RBFOX1: variants seen among roughly 807,000 people sequenced by gnomAD.
RBFOX1 encodes RNA binding fox-1 homolog 1.
Under a neutral mutation model 57.7 loss-of-function variants are expected in RBFOX1, and 8 were observed. The observed-to-expected ratio is 0.14, with a 90% CI of 0.08 to 0.25. The LOEUF (loss-of-function observed/expected upper bound fraction) is 0.25, where lower values mean the gene tolerates loss of function less well. Among genes scored for constraint, RBFOX1 ranks in the 10% least tolerant of loss-of-function variants. RBFOX1 has a pLI of 1.00. For missense variants in RBFOX1, 611 were observed against 548.5 expected (o/e 1.11, Z -1.14); for synonymous variants, 326 against 222.4 (o/e 1.47, Z -4.15).
intron 2 of RBFOX1, among the ~76,000 whole-genome samples, chr16:6,639,293 A>C (rs1362012022): frequency 6.6e-6 from 1 of 152,192 alleles, no homozygotes; most frequent in Non-Finnish European, 1.5e-5. Flanking sequence ...AGAGGAAGTG[A>C]AATATTCAAT....
chr16:5,969,708 T>C (rs1406883186), intron 4 of RBFOX1, among the ~76,000 whole-genome samples: 1 of 152,082 alleles, frequency 6.6e-6, no homozygotes, highest in Non-Finnish European at 1.5e-5. Flanking sequence ...TTTGTTGTTT[T>C]TGCTTCTTTT....
chr16:5,464,786 C>T (rs1317286693), intron 1 of RBFOX1, among the ~76,000 whole-genome samples: 1 of 152,066 alleles, frequency 6.6e-6, no homozygotes, highest in Non-Finnish European at 1.5e-5. Context: ...AGAAAGGAGG[C>T]AATAGAGAAG....
chr16:5,465,932 G>C (rs529329003), intron 1 of RBFOX1, among the ~76,000 whole-genome samples: 4 of 152,160 alleles, frequency 2.6e-5, no homozygotes, highest in Non-Finnish European at 5.9e-5. Context: ...ACGGTGCTGC[G>C]GTGGGTAAGC....
chr16:7,279,935 A>G (rs2095508668), intron 4 of RBFOX1, among the ~76,000 whole-genome samples: 1 of 152,190 alleles, frequency 6.6e-6, no homozygotes, highest in Non-Finnish European at 1.5e-5. Flanking sequence ...TTGAGAAACC[A>G]GTGGGCCTGG....
At chr16:7,354,102 T>G (rs548818968) in intron 4 of RBFOX1, among the ~76,000 whole-genome samples, 1 of 152,076 alleles carries the variant, frequency 6.6e-6, no homozygotes, top group South Asian at 2.1e-4. Flanking sequence ...CTCCTGAGTA[T>G]CTGGGATTAC....
intron 2 of RBFOX1, among the ~76,000 whole-genome samples, chr16:6,650,640 G>A (rs1013252987): frequency 2.0e-5 from 3 of 152,198 alleles, no homozygotes; most frequent in Admixed American, 6.5e-5. Flanking sequence ...CCACTTGACT[G>A]ATAGGAAAAC....
chr16:7,230,044 GAGGAAGGAAAGGAGAGAGAGGA>G (rs2093407050), intron 4 of RBFOX1, among the ~76,000 whole-genome samples: 2 of 65,608 alleles, frequency 3.0e-5, no homozygotes, highest in African/African-American at 4.2e-5. Context: ...AAGGGAGAGA[GAGGAAGGAAAGGAGAGAGAGGA>G]AGGAAGGGAG....
chr16:5,566,950 C>T (rs1016294983), intron 2 of RBFOX1, among the ~76,000 whole-genome samples: 18 of 152,128 alleles, frequency 1.2e-4, no homozygotes, highest in Admixed American at 9.2e-4. Context: ...TGTCGCAATT[C>T]ATCAGAATGA....
chr16:5,298,115 CA>C (rs1267695945), intron 1 of RBFOX1, among the ~76,000 whole-genome samples: 2 of 152,098 alleles, frequency 1.3e-5, no homozygotes, highest in Non-Finnish European at 1.5e-5. Flanking sequence ...GCTCTTTGAA[CA>C]AAAGGCAGCC....
At chr16:6,937,464 T>C (rs923902771) in intron 3 of RBFOX1, among the ~76,000 whole-genome samples, 1 of 152,146 alleles carries the variant, frequency 6.6e-6, no homozygotes, top group Non-Finnish European at 1.5e-5. Flanking sequence ...TCAAACTCTG[T>C]AAAACGGTGA....
intron 4 of RBFOX1, among the ~76,000 whole-genome samples, chr16:7,226,640 C>G (rs1433704382): frequency 2.6e-5 from 4 of 152,170 alleles, no homozygotes; most frequent in Non-Finnish European, 4.4e-5. Context: ...GTTTTATATT[C>G]AAACAACTCC....
At position 5,463,361 on chromosome 16, in the gene RBFOX1, T is replaced by C. The variant is rs759203747; in HGVS notation, c.220-3855T>C. On this transcript the variant is annotated intron_variant, in intron 1 of 2. Transcript: ENST00000585867. ...TCAAGTGACTGTTCTATGAAGCTGATCTCTTTATTCTCCTCTGTCTGCTGT... is the reference window on the plus strand; with the variant it reads ...TCAAGTGACTGTTCTATGAAGCTGACCTCTTTATTCTCCTCTGTCTGCTGT... Among the ~76,000 whole-genome samples the C allele has an allele frequency of 3.6e-4, 55 of 152,316 alleles. 1 individual carries two copies. Among genetic ancestry groups the C allele is most frequent in the Middle Eastern group, 3.4e-3 (1 of 294 alleles).
chr16:5,423,681 C>T (rs1024846897), intron 1 of RBFOX1, among the ~76,000 whole-genome samples: 2 of 152,202 alleles, frequency 1.3e-5, no homozygotes, highest in Non-Finnish European at 2.9e-5. Context: ...ACAAATCTAT[C>T]TTGCTGTCTG....
At chr16:7,641,987 C>T (rs1363288162) in intron 11 of RBFOX1, among the ~76,000 whole-genome samples, 31 of 152,070 alleles carry the variant, frequency 2.0e-4, no homozygotes, top group Admixed American at 2.0e-3. Context: ...TGATGGTGTA[C>T]TTTTATAGTC....
At chr16:5,532,631 A>G (rs1005019629) in intron 2 of RBFOX1, among the ~76,000 whole-genome samples, 2 of 152,214 alleles carry the variant, frequency 1.3e-5, no homozygotes, top group African/African-American at 4.8e-5. Context: ...GCAAAGATAG[A>G]GGTTCTTTGC....
rs2081198318 is a variant in RBFOX1 at position 6,317,047 on chromosome 16, C to T, written c.-74C>T. Reference sequence around the variant, plus strand: ...GGAACTTACAGCTTCCTTGATCGGACTCAGCATTCAGTAAGTGCAACCCAT... The same window carrying T: ...GGAACTTACAGCTTCCTTGATCGGATTCAGCATTCAGTAAGTGCAACCCAT... On this transcript the variant is annotated 5_prime_UTR_variant, in exon 2 of 16. Coordinates refer to ENST00000550418, the MANE Select transcript of RBFOX1 (RefSeq NM_018723.4). The T allele has an allele frequency of 5.2e-6, 8 of 1,535,256 alleles. No homozygotes were observed. The highest frequency in any genetic ancestry group is 7.0e-6 in the Non-Finnish European group (8 of 1,146,266).
chr16:6,906,373 C>T (rs768942460), intron 3 of RBFOX1, among the ~76,000 whole-genome samples: 1 of 151,858 alleles, frequency 6.6e-6, no homozygotes, highest in Non-Finnish European at 1.5e-5. Flanking sequence ...GGTAATAACA[C>T]CGAAACTCAT....
chr16:6,060,979 C>T (rs1228771608), intron 1 of RBFOX1, among the ~76,000 whole-genome samples: 4 of 152,208 alleles, frequency 2.6e-5, no homozygotes. Flanking sequence ...GCAGTGATTA[C>T]AATCCATGCA....
chr16:6,754,856 C>A (rs561710509), intron 3 of RBFOX1, among the ~76,000 whole-genome samples: 1 of 151,914 alleles, frequency 6.6e-6, no homozygotes, highest in East Asian at 1.9e-4. Context: ...CCTCCCCTCT[C>A]CCCCCACCCC....
Sources: allele counts gnomAD v4.1 joint callset (sites outside exome capture counted in the v4.1 genomes callset), GRCh38; gene constraint gnomAD v4.1.1; transcripts MANE v1.5; gene names NCBI Gene and HGNC (gene_info 2026-07-23, HGNC 2026-07-21).